Variants in COL28A1 observed in about 807,000 individuals in gnomAD.
COL28A1 encodes collagen type XXVIII alpha 1 chain.
A neutral mutation model predicts 150.2 loss-of-function variants in COL28A1; 161 were observed. The observed-to-expected ratio is 1.07, with a 90% CI of 0.94 to 1.22. The LOEUF (loss-of-function observed/expected upper bound fraction) is 1.22. Ranked by LOEUF, COL28A1 falls within the 50% of genes most tolerant of loss-of-function variation. The pLI is 0.00. For synonymous variants in COL28A1, 552 were observed against 469.7 expected (o/e 1.18, Z -2.26); for missense variants, 1,617 against 1,388.3 (o/e 1.16, Z -2.62).
chr7:7,391,760 T>C (rs150562692), intron 27 of COL28A1, among the ~76,000 whole-genome samples: 2,319 of 152,038 alleles, frequency 0.015, 58 homozygotes, highest in African/African-American at 0.052. Context: ...TCTTTGTTGA[T>C]TTAAAGTCTG....
Position 7,531,911 on chromosome 7 carries a change from C to T in COL28A1, c.125-7G>A. 6.4e-7 allele frequency: 1 copy of T among 1,558,526 alleles called. No individual in the cohort carries two copies. The highest frequency in any genetic ancestry group is 2.2e-5 in the East Asian group (1 of 44,570). Reference sequence around the variant, plus strand: ...TCTATGAAACAAATGGAGCCTGAAACAGAATAAACAGGTTAGGCAAAATAA... The same window carrying T: ...TCTATGAAACAAATGGAGCCTGAAATAGAATAAACAGGTTAGGCAAAATAA... On this transcript the variant is annotated splice_region_variant and splice_polypyrimidine_tract_variant and intron_variant, in intron 2 of 34. Transcript: ENST00000399429.
intron 32 of COL28A1, among the ~76,000 whole-genome samples, chr7:7,371,366 T>C (rs938966709): frequency 6.6e-6 from 1 of 152,220 alleles, no homozygotes; most frequent in Non-Finnish European, 1.5e-5. Context: ...ATATATCAGA[T>C]AAACAAACCC....
At chr7:7,477,212 A>G (rs1788967866) in intron 13 of COL28A1, 32 bp from the exon 14 acceptor site, 2 of 894,172 alleles carry the variant, frequency 2.2e-6, no homozygotes, top group East Asian at 4.8e-5. Flanking sequence ...GAGGAGCAGG[A>G]GGAGAGAGAA....
At chr7:7,518,745 C>G (rs1781552965) in intron 6 of COL28A1, among the ~76,000 whole-genome samples, 1 of 152,120 alleles carries the variant, frequency 6.6e-6, no homozygotes, top group Non-Finnish European at 1.5e-5. Context: ...AACGTCAAAA[C>G]ACACACAAAA....
the COL28A1 span, among the ~76,000 whole-genome samples, chr7:7,346,597 C>T: frequency 6.6e-4 from 100 of 151,984 alleles, 1 homozygote; most frequent in East Asian, 0.015. Context: ...ATGTTCATGT[C>T]TATTTTATAT....
intron 18 of COL28A1, among the ~76,000 whole-genome samples, chr7:7,448,797 A>G (rs1460900939): frequency 1.3e-5 from 2 of 152,264 alleles, no homozygotes; most frequent in East Asian, 3.9e-4. Context: ...GTTCATATAT[A>G]TGCTACAACA....
chr7:7,506,179 C>T, intron 10 of COL28A1, 112 bp from the exon 11 acceptor site: 1 of 657,442 alleles, frequency 1.5e-6, no homozygotes, highest in Non-Finnish European at 2.8e-6. Context: ...CTGTGTAACT[C>T]AGAGCTAAAT....
At chr7:7,344,593 C>T in the COL28A1 span, among the ~76,000 whole-genome samples, 1 of 152,010 alleles carries the variant, frequency 6.6e-6, no homozygotes, top group African/African-American at 2.4e-5. Flanking sequence ...TCCAAAATTA[C>T]AGAGAAATAA....
At chr7:7,393,496 A>T (rs1046342085) in intron 27 of COL28A1, among the ~76,000 whole-genome samples, 5 of 152,218 alleles carry the variant, frequency 3.3e-5, no homozygotes, top group Non-Finnish European at 5.9e-5. Context: ...TGGGAGATGC[A>T]CTGCTCTCTT....
At chr7:7,395,198 C>G (rs1406240350) in intron 27 of COL28A1, among the ~76,000 whole-genome samples, 1 of 152,078 alleles carries the variant, frequency 6.6e-6, no homozygotes, top group African/African-American at 2.4e-5. Flanking sequence ...GAGGCTGAGG[C>G]AGGAGAATCA....
At chr7:7,472,688 T>C (rs1788537373) in intron 15 of COL28A1, among the ~76,000 whole-genome samples, 1 of 152,194 alleles carries the variant, frequency 6.6e-6, no homozygotes, top group Non-Finnish European at 1.5e-5. Flanking sequence ...GAAATTCATA[T>C]GCAACCAAAA....
intron 27 of COL28A1, among the ~76,000 whole-genome samples, chr7:7,412,103 G>T (rs2128304517): frequency 6.6e-6 from 1 of 152,196 alleles, no homozygotes; most frequent in Middle Eastern, 3.4e-3. Flanking sequence ...AAGCCACTTT[G>T]CAATTAAGTA....
At chr7:7,378,694 C>T (rs1305696876) in intron 30 of COL28A1, among the ~76,000 whole-genome samples, 1 of 152,132 alleles carries the variant, frequency 6.6e-6, no homozygotes. Flanking sequence ...CCACCTCTAG[C>T]TATAAGGGCT....
At chr7:7,374,932 T>C (rs759484686) in intron 31 of COL28A1, among the ~76,000 whole-genome samples, 7 of 152,214 alleles carry the variant, frequency 4.6e-5, no homozygotes, top group Non-Finnish European at 8.8e-5. Flanking sequence ...TTTCTGGTAA[T>C]TCTAAGTCTA....
At chr7:7,474,566 G>A (rs760305154) in intron 15 of COL28A1, 35 bp downstream of exon 15, 2 of 881,422 alleles carry the variant, frequency 2.3e-6, no homozygotes, top group East Asian at 4.9e-5. Context: ...AATTTTATTG[G>A]CATTGTTTCC....
intron 27 of COL28A1, among the ~76,000 whole-genome samples, chr7:7,389,300 T>C (rs771317963): frequency 1.3e-4 from 20 of 152,308 alleles, no homozygotes; most frequent in Non-Finnish European, 2.4e-4. Context: ...AAAGACCAGA[T>C]GGTTGTAGAT....
chr7:7,486,292 T>C (rs948511182), intron 13 of COL28A1, among the ~76,000 whole-genome samples: 2 of 152,218 alleles, frequency 1.3e-5, no homozygotes, highest in East Asian at 3.8e-4. Context: ...GTTGATATTG[T>C]ACCCTGTGAC....
intron 27 of COL28A1, among the ~76,000 whole-genome samples, chr7:7,397,701 G>A (rs1037892698): frequency 2.6e-5 from 4 of 152,132 alleles, no homozygotes; most frequent in African/African-American, 9.7e-5. Flanking sequence ...TGCTCCATAG[G>A]GATAAGTAAA....
At chr7:7,472,865 C>T (rs919627950) in intron 15 of COL28A1, among the ~76,000 whole-genome samples, 5 of 152,050 alleles carry the variant, frequency 3.3e-5, no homozygotes, top group African/African-American at 1.2e-4. Flanking sequence ...CAGAAATAAA[C>T]CATCATACTT....
Sources: allele counts gnomAD v4.1 joint callset (sites outside exome capture counted in the v4.1 genomes callset), GRCh38; gene constraint gnomAD v4.1.1; transcripts MANE v1.5; gene names NCBI Gene and HGNC (gene_info 2026-07-23, HGNC 2026-07-21).